Variants in SMAD1 observed in about 807,000 individuals in gnomAD.
SMAD1 encodes MAD, mothers against decapentaplegic homolog 1.
A neutral mutation model predicts 41.6 loss-of-function variants in SMAD1; 6 were observed. The ratio of observed to expected loss-of-function variants is 0.14; its 90% CI spans 0.08 to 0.28. SMAD1 has a LOEUF of 0.28. Ranked by LOEUF, SMAD1 falls within the 10% of genes least tolerant of loss-of-function variation. The pLI is 1.00. For missense variants in SMAD1, 379 were observed against 582.6 expected (o/e 0.65, Z 3.60); for synonymous variants, 206 against 203.2 (o/e 1.01, Z -0.12).
At chr4:145,510,262 T>C (rs556830152) in intron 1 of SMAD1, among the ~76,000 whole-genome samples, 1 of 152,308 alleles carries the variant, frequency 6.6e-6, no homozygotes, top group African/African-American at 2.4e-5. Flanking sequence ...AGGTTTTCTT[T>C]AGTATGCTTT....
chr4:145,508,603 A>G (rs1729915079), intron 1 of SMAD1, among the ~76,000 whole-genome samples: 1 of 152,128 alleles, frequency 6.6e-6, no homozygotes, highest in African/African-American at 2.4e-5. Context: ...AATTCTACTT[A>G]TCCTTTAAGT....
intron 1 of SMAD1, among the ~76,000 whole-genome samples, chr4:145,500,104 C>T (rs564724840): frequency 3.9e-5 from 6 of 152,208 alleles, no homozygotes; most frequent in Admixed American, 2.0e-4. Context: ...ACTTCTGCCA[C>T]GCTGGTTGAA....
rs1729810609 is a variant in SMAD1, at chr4:145,506,708, G to A, written c.-176-7730G>A. Among the ~76,000 whole-genome samples the A allele has an allele frequency of 2.0e-5, 3 of 151,946 alleles. No individual in the cohort carries two copies. In the South Asian group the frequency reaches 6.2e-4, roughly 32 times the overall value. ...GGTAATTAAAAAAAAACTTTCTGTGGGAATTTGGGATCTGTAACATATTAA... is the reference window on the plus strand; with the variant it reads ...GGTAATTAAAAAAAAACTTTCTGTGAGAATTTGGGATCTGTAACATATTAA... On this transcript the variant is annotated intron_variant, in intron 1 of 6. Coordinates refer to ENST00000302085, the MANE Select transcript of SMAD1 (RefSeq NM_005900.3).
At chr4:145,533,039 A>G (rs1232756205) in intron 2 of SMAD1, among the ~76,000 whole-genome samples, 1 of 152,238 alleles carries the variant, frequency 6.6e-6, no homozygotes, top group Non-Finnish European at 1.5e-5. Context: ...GGGTAGAGCG[A>G]GAGACATCTG....
chr4:145,527,312 CTCCCGGGTTCACGCCAT>C (rs1471708945), intron 2 of SMAD1, among the ~76,000 whole-genome samples: 1 of 151,458 alleles, frequency 6.6e-6, no homozygotes, highest in Admixed American at 6.6e-5. Flanking sequence ...CGAGCTCCGC[CTCCCGGGTTCACGCCAT>C]TCTCCTGCCT....
At chr4:145,483,611 T>C (rs1053886457) in intron 1 of SMAD1, among the ~76,000 whole-genome samples, 1 of 152,210 alleles carries the variant, frequency 6.6e-6, no homozygotes, top group Non-Finnish European at 1.5e-5. Flanking sequence ...AAAGTGTTTG[T>C]TCTGCCCTCT....
At chr4:145,506,189 A>G (rs997946088) in intron 1 of SMAD1, among the ~76,000 whole-genome samples, 14 of 152,180 alleles carry the variant, frequency 9.2e-5, no homozygotes, top group Admixed American at 6.5e-4. Flanking sequence ...AGAAAAAAAA[A>G]GTATCCAGCT....
In SMAD1 at chr4:145,481,922, G is replaced by A. The variant is rs1389369113; in HGVS notation, c.-293G>A. 1 of 152,728 alleles carries A rather than the reference G, an allele frequency of 6.5e-6. No homozygotes were observed. Among genetic ancestry groups the A allele is most frequent in the East Asian group, 1.9e-4 (1 of 5,174 alleles). 9.5% of individuals were successfully genotyped at this position (152,728 alleles called of 1,614,324 possible). A position where few individuals can be genotyped will look rare whatever the true frequency, so the allele number is the denominator to read the frequency against. The stretch of plus-strand genomic sequence containing the variant: ...AAGGAGAGGCCGAGCGGCTCAACCC[G>A]GGCCGAGGCTCGGGGAGCGGAGAGT... On this transcript the variant is annotated 5_prime_UTR_variant, in exon 1 of 7. Coordinates refer to ENST00000302085, the MANE Select transcript of SMAD1 (RefSeq NM_005900.3).
intron 1 of SMAD1, chr4:145,513,487 G>A (rs1730203990): frequency 6.6e-6 from 1 of 152,158 alleles, no homozygotes. Flanking sequence ...GGTACAGTAT[G>A]TGTCCATGTG....
intron 3 of SMAD1, 66 bp from the exon 4 acceptor site, chr4:145,542,516 G>A (rs954057438): frequency 1.1e-6 from 1 of 896,956 alleles, no homozygotes; most frequent in Non-Finnish European, 1.8e-6. Context: ...GTACAGAAGA[G>A]GATACGTGTT....
chr4:145,558,114 T>C lies in SMAD1; in HGVS notation c.*180T>C, dbSNP rs1296508103. 10 of 420,794 alleles carry C rather than the reference T, an allele frequency of 2.4e-5. No homozygotes were observed. The highest frequency in any genetic ancestry group is 4.2e-5 in the Non-Finnish European group (10 of 238,652). 26.1% of individuals were successfully genotyped at this position (420,794 alleles called of 1,614,324 possible). A position where few individuals can be genotyped will look rare whatever the true frequency, so the allele number is the denominator to read the frequency against. ...AAAAAACACACACACCTTGGTAACA[T>C]ACTGTTGATATCAAGAACCTGTTTA... On this transcript the variant is annotated 3_prime_UTR_variant, in exon 7 of 7. Transcript: ENST00000302085.
At chr4:145,490,211 G>C (rs1369424323) in intron 1 of SMAD1, among the ~76,000 whole-genome samples, 1 of 151,440 alleles carries the variant, frequency 6.6e-6, no homozygotes, top group African/African-American at 2.4e-5. Context: ...GATGGAGTTA[G>C]CCATCTGGAG....
chr4:145,491,544 A>G (rs1453634035), intron 1 of SMAD1, among the ~76,000 whole-genome samples: 2 of 152,188 alleles, frequency 1.3e-5, no homozygotes, highest in East Asian at 3.8e-4. Context: ...GTATTTTGTT[A>G]TTCTTTGTAT....
Position 145,540,022 on chromosome 4 carries a change from C to T in SMAD1, c.619C>T (p.Pro207Ser), listed in dbSNP as rs767011109. Residue 207 changes from proline (P) to serine (S), a missense_variant, in exon 3 of 7, where the codon CCC becomes TCC. By Grantham distance (74) the Pro-to-Ser change is moderately conservative. This residue lies in a region of SMAD1 where 208 missense variants were observed against 210.5 expected (regional missense o/e 0.99). Coordinates refer to ENST00000302085, the MANE Select transcript of SMAD1 (RefSeq NM_005900.3). ...CAGCAGCAGCACCTACCCTCACTCT[C>T]CCACCAGCTCAGACCCAGGAAGCCC... Reference protein sequence around the residue: ...GSSSSTYPHSPTSSDPGSPFQ... With the variant: ...GSSSSTYPHSSTSSDPGSPFQ... 1.9e-6 allele frequency: 3 copies of T among 1,614,114 alleles called. No homozygotes were observed. In the Admixed American group the frequency reaches 5.0e-5, roughly 27 times the overall value.
intron 2 of SMAD1, among the ~76,000 whole-genome samples, chr4:145,529,530 A>G (rs1001199223): frequency 2.6e-5 from 4 of 152,368 alleles, no homozygotes; most frequent in African/African-American, 9.6e-5. Context: ...ACCGTGGGCT[A>G]TCTTGATCCC....
intron 1 of SMAD1, among the ~76,000 whole-genome samples, chr4:145,485,103 G>C (rs1728417144): frequency 6.6e-6 from 1 of 152,022 alleles, no homozygotes; most frequent in South Asian, 2.1e-4. Context: ...GGGTCTCTCT[G>C]TGTTACCCAG....
chr4:145,502,348 G>A (rs1304421656), intron 1 of SMAD1, among the ~76,000 whole-genome samples: 3 of 152,156 alleles, frequency 2.0e-5, no homozygotes, highest in Non-Finnish European at 2.9e-5. Flanking sequence ...ATGGGATTAA[G>A]GAATGTTGTA....
chr4:145,546,532 AT>A (rs1167207500), intron 4 of SMAD1, 170 bp from the exon 5 acceptor site: 8 of 605,514 alleles, frequency 1.3e-5, no homozygotes, highest in South Asian at 4.1e-5. Context: ...GGAGAGTGTC[AT>A]ATTAAGAAGT....
chr4:145,505,085 G>A (rs1729690412), intron 1 of SMAD1, among the ~76,000 whole-genome samples: 1 of 152,072 alleles, frequency 6.6e-6, no homozygotes, highest in Admixed American at 6.5e-5. Context: ...TGATCTATTT[G>A]GACAATTCCA....
Sources: allele counts gnomAD v4.1 joint callset (sites outside exome capture counted in the v4.1 genomes callset), GRCh38; gene constraint gnomAD v4.1.1; regional missense constraint gnomAD v4.1.1; transcripts MANE v1.5; gene names NCBI Gene and HGNC (gene_info 2026-07-23, HGNC 2026-07-21).